The following FRMD4B variants were observed in gnomAD, a reference collection of about 807,000 sequenced individuals.
The protein encoded by FRMD4B is FERM domain containing 4B, also known as FERM domain-containing protein 4B.
A neutral mutation model predicts 141.5 loss-of-function variants in FRMD4B; 74 were observed. The observed-to-expected ratio is 0.52, with a 90% CI of 0.43 to 0.63. FRMD4B has a LOEUF of 0.63. Among genes scored for constraint, FRMD4B ranks in the 30% least tolerant of loss-of-function variants. FRMD4B has a pLI of 0.00. For missense variants in FRMD4B, 1,366 were observed against 1,253.4 expected (o/e 1.09, Z -1.36); for synonymous variants, 506 against 467.9 (o/e 1.08, Z -1.05).
At chr3:69,514,149 T>C (rs1208246608) in intron 1 of FRMD4B, among the ~76,000 whole-genome samples, 1 of 152,134 alleles carries the variant, frequency 6.6e-6, no homozygotes, top group African/African-American at 2.4e-5. Flanking sequence ...TATATGTAGA[T>C]AAACCTAAAG....
chr3:69,497,660 C>T (rs193076904), intron 1 of FRMD4B, among the ~76,000 whole-genome samples: 2 of 152,232 alleles, frequency 1.3e-5, no homozygotes, highest in East Asian at 1.9e-4. Flanking sequence ...CATGGTAAAA[C>T]ACTTAGGAAA....
intron 22 of FRMD4B, among the ~76,000 whole-genome samples, chr3:69,174,984 A>C (rs2092627384): frequency 6.6e-6 from 1 of 152,188 alleles, no homozygotes; most frequent in South Asian, 2.1e-4. Context: ...TATTTTCATT[A>C]AAATTCTATT....
intron 5 of FRMD4B, among the ~76,000 whole-genome samples, chr3:69,276,856 C>T (rs917722775): frequency 6.6e-6 from 1 of 152,070 alleles, no homozygotes; most frequent in Non-Finnish European, 1.5e-5. Flanking sequence ...TCCCAGCTAC[C>T]TGGGAGGCTG....
chr3:69,240,397 C>T (rs2093373482), intron 7 of FRMD4B, among the ~76,000 whole-genome samples: 1 of 143,614 alleles, frequency 7.0e-6, no homozygotes, highest in Non-Finnish European at 1.5e-5. Flanking sequence ...AGGAGAATTG[C>T]TTGAACCCGG....
intron 7 of FRMD4B, among the ~76,000 whole-genome samples, chr3:69,245,141 G>T (rs1032343190): frequency 4.6e-5 from 7 of 152,060 alleles, no homozygotes; most frequent in African/African-American, 1.2e-4. Flanking sequence ...TATTATAATT[G>T]TAAGTCCCAT....
chr3:69,321,281 C>G (rs1701986578), intron 1 of FRMD4B, among the ~76,000 whole-genome samples: 2 of 152,200 alleles, frequency 1.3e-5, no homozygotes, highest in Admixed American at 1.3e-4. Flanking sequence ...AAATCGTAGC[C>G]TACTTCGGCT....
intron 1 of FRMD4B, 104 bp downstream of exon 1, chr3:69,385,724 G>A (rs1339035642): frequency 5.8e-6 from 6 of 1,026,240 alleles, no homozygotes; most frequent in Non-Finnish European, 6.8e-6. Flanking sequence ...TCTGCTAGGA[G>A]TTTAAGAAGA....
At chr3:69,540,636 A>AAT (rs1553652110) in intron 1 of FRMD4B, among the ~76,000 whole-genome samples, 157 of 69,520 alleles carry the variant, frequency 2.3e-3, no homozygotes, top group Non-Finnish European at 2.5e-3. Context: ...AAAAAAAAAA[A>AAT]ATATATATAT....
intron 1 of FRMD4B, among the ~76,000 whole-genome samples, chr3:69,459,111 C>T (rs1472279913): frequency 1.3e-5 from 2 of 152,184 alleles, no homozygotes; most frequent in African/African-American, 4.8e-5. Context: ...ACCGTTGGTA[C>T]TTCCATGTTT....
intron 2 of FRMD4B, among the ~76,000 whole-genome samples, chr3:69,413,687 G>C (rs1435582995): frequency 6.6e-6 from 1 of 152,156 alleles, no homozygotes; most frequent in Non-Finnish European, 1.5e-5. Context: ...TAGCTTTAGA[G>C]TTTGACTTGA....
chr3:69,516,754 A>T (rs1700765454), intron 1 of FRMD4B, among the ~76,000 whole-genome samples: 1 of 152,238 alleles, frequency 6.6e-6, no homozygotes, highest in African/African-American at 2.4e-5. Flanking sequence ...AACATTTAAC[A>T]CTATAGAATC....
chr3:69,197,157 A>C, intron 12 of FRMD4B, 119 bp from the exon 13 acceptor site: 4 of 681,636 alleles, frequency 5.9e-6, no homozygotes, highest in South Asian at 5.2e-5. Flanking sequence ...TGTTGCAAAA[A>C]CTCTTACGCA....
chr3:69,265,185 G>T (rs1251052893), intron 5 of FRMD4B, among the ~76,000 whole-genome samples: 5 of 138,012 alleles, frequency 3.6e-5, no homozygotes, highest in African/African-American at 1.4e-4. Context: ...AACCCAGGAG[G>T]TGGAGCTTGC....
At position 69,193,831 on chromosome 3, in the gene FRMD4B, G is replaced by C; in HGVS notation, c.1531C>G (p.Gln511Glu). ...TTCTTTGCAGCTTCCACCAGCTTTT[G>C]TTGTATTAGAAAATTACTCTCCAGT... ...QELESNFLIQ[Q>E]KLVEAAKKLA... is the part of the protein sequence containing the mutation. Residue 511 changes from glutamine (Q) to glutamate (E), a missense_variant, in exon 17 of 23, where the codon CAA becomes GAA. Gln to Glu is a conservative substitution (Grantham distance 29). Coordinates refer to ENST00000398540, the MANE Select transcript of FRMD4B (RefSeq NM_015123.3). 6.2e-7 allele frequency: 1 copy of C among 1,613,362 alleles called. No individual in the cohort carries two copies. Among genetic ancestry groups the C allele is most frequent in the Non-Finnish European group, 8.5e-7 (1 of 1,179,442 alleles).
At chr3:69,276,373 A>C (rs35233461) in intron 5 of FRMD4B, among the ~76,000 whole-genome samples, 32,989 of 151,966 alleles carry the variant, frequency 0.22, 3,684 homozygotes, top group East Asian at 0.35. Context: ...CCTGGGCTCA[A>C]GTGATCCGCC....
chr3:69,490,814 G>A (rs902877858), intron 1 of FRMD4B, among the ~76,000 whole-genome samples: 2 of 152,094 alleles, frequency 1.3e-5, no homozygotes, highest in African/African-American at 2.4e-5. Context: ...GACGTTGGCC[G>A]ATGCCTTTAG....
intron 1 of FRMD4B, among the ~76,000 whole-genome samples, chr3:69,481,655 A>T (rs902288160): frequency 2.0e-5 from 3 of 152,176 alleles, no homozygotes; most frequent in African/African-American, 7.2e-5. Flanking sequence ...TGGCTCACTG[A>T]CTTTTCCTAT....
At chr3:69,269,787 T>C (rs2093585917) in intron 5 of FRMD4B, among the ~76,000 whole-genome samples, 1 of 151,808 alleles carries the variant, frequency 6.6e-6, no homozygotes, top group Admixed American at 6.6e-5. Flanking sequence ...ACCTGGCTAA[T>C]TTTTGTATTT....
intron 7 of FRMD4B, among the ~76,000 whole-genome samples, chr3:69,242,476 GCATTTTTTTTT>G: frequency 9.0e-6 from 1 of 111,662 alleles, no homozygotes; most frequent in Non-Finnish European, 1.7e-5. Flanking sequence ...GGAAATAGCT[GCATTTTTTTTT>G]TTTTTTTTTT....
Sources: allele counts gnomAD v4.1 joint callset (sites outside exome capture counted in the v4.1 genomes callset), GRCh38; gene constraint gnomAD v4.1.1; transcripts MANE v1.5; gene names NCBI Gene and HGNC (gene_info 2026-07-23, HGNC 2026-07-21).